Variants in HNF4G observed in about 807,000 individuals in gnomAD.
The protein encoded by HNF4G is hepatocyte nuclear factor 4 gamma, also known as hepatocyte nuclear factor 4-gamma.
Under a neutral mutation model 50.9 loss-of-function variants are expected in HNF4G, and 21 were observed. The observed-to-expected ratio is 0.41, with a 90% CI of 0.29 to 0.59. The LOEUF is 0.59. HNF4G is among the 20% of genes least tolerant of loss of function. HNF4G has a pLI of 0.26. For synonymous variants in HNF4G, 198 were observed against 185.6 expected (o/e 1.07, Z -0.54); for missense variants, 527 against 559.4 (o/e 0.94, Z 0.58).
At chr8:75,490,747 T>C (rs1812608455) in intron 2 of HNF4G, among the ~76,000 whole-genome samples, 1 of 152,218 alleles carries the variant, frequency 6.6e-6, no homozygotes, top group South Asian at 2.1e-4. Context: ...TTTTAAAATG[T>C]TCATAATGTA....
At chr8:75,511,956 GAAGT>G (rs1025027594) in intron 2 of HNF4G, among the ~76,000 whole-genome samples, 2 of 152,116 alleles carry the variant, frequency 1.3e-5, no homozygotes, top group African/African-American at 4.8e-5. Context: ...TTGGTGCAAG[GAAGT>G]ATTTTATTTC....
At chr8:75,448,954 C>G (rs1206719888) in intron 1 of HNF4G, among the ~76,000 whole-genome samples, 1 of 152,054 alleles carries the variant, frequency 6.6e-6, no homozygotes, top group Non-Finnish European at 1.5e-5. Context: ...TTTCTCAAAC[C>G]TCATTAAAAA....
chr8:75,426,291 T>C (rs1810889587), intron 1 of HNF4G, among the ~76,000 whole-genome samples: 1 of 152,216 alleles, frequency 6.6e-6, no homozygotes, highest in South Asian at 2.1e-4. Flanking sequence ...CAGAATCACA[T>C]CTTCCCTGAT....
chr8:75,438,023 TA>T (rs1811182188), intron 1 of HNF4G, among the ~76,000 whole-genome samples: 2 of 152,204 alleles, frequency 1.3e-5, no homozygotes, highest in Non-Finnish European at 2.9e-5. Context: ...ATGTAATTAA[TA>T]GAGTTTTTAA....
intron 1 of HNF4G, among the ~76,000 whole-genome samples, chr8:75,487,075 A>G (rs1812515784): frequency 6.6e-6 from 1 of 152,216 alleles, no homozygotes; most frequent in Non-Finnish European, 1.5e-5. Context: ...AAATTGGCAA[A>G]TATTAAAAAC....
chr8:75,430,900 T>A (rs1811002071), intron 1 of HNF4G, among the ~76,000 whole-genome samples: 1 of 152,150 alleles, frequency 6.6e-6, no homozygotes, highest in Admixed American at 6.5e-5. Flanking sequence ...TTACGAAGAT[T>A]GTTGTTAGAA....
chr8:75,560,530 T>C (rs1316033239), intron 9 of HNF4G, 64 bp downstream of exon 9: 3 of 1,524,898 alleles, frequency 2.0e-6, no homozygotes, highest in South Asian at 1.2e-5. Flanking sequence ...AGTGGAATTG[T>C]GGGAAAGAAT....
rs190799024 is a variant in HNF4G, at chr8:75,501,955, C to G, written c.-24+11747C>G. 7.5e-3 allele frequency among the ~76,000 whole-genome samples: 1,134 copies of G among 151,702 alleles called. 16 individuals carry two copies. The highest frequency in any genetic ancestry group is 0.026 in the African/African-American group (1,070 of 41,346). On this transcript the variant is annotated intron_variant, in intron 2 of 10. Transcript: ENST00000354370. ...GCAACCTCCGCCTCCCGGGTTCAAG[C>G]GATTCTCCTGCCTTAGACTCCCGAG...
intron 2 of HNF4G, among the ~76,000 whole-genome samples, chr8:75,516,784 G>T (rs1805899535): frequency 1.3e-5 from 2 of 152,062 alleles, no homozygotes; most frequent in South Asian, 4.1e-4. Flanking sequence ...TTGAAGAATT[G>T]ACCCCTTTAT....
rs919993647 is a variant in HNF4G, at chr8:75,485,265, A to G, written c.-143-4824A>G. 2.6e-5 allele frequency among the ~76,000 whole-genome samples: 4 copies of G among 152,246 alleles called. No homozygotes were observed. The East Asian group carries it at 7.7e-4, about 29-fold the overall frequency. ...ATTTTCTATAAAAAGGAAGAAAACC[A>G]TTAAAGCATGTTGGAGCTAGGTTTC... On this transcript the variant is annotated intron_variant, in intron 1 of 10. Coordinates refer to the HNF4G transcript ENST00000354370.
intron 1 of HNF4G, among the ~76,000 whole-genome samples, chr8:75,479,620 T>A (rs1227303176): frequency 6.6e-6 from 1 of 151,350 alleles, no homozygotes; most frequent in Admixed American, 6.6e-5. Context: ...TATAAAGAAA[T>A]AGCGATGCTG....
chr8:75,434,684 A>ACG (rs1282085987), intron 1 of HNF4G, among the ~76,000 whole-genome samples: 2 of 151,754 alleles, frequency 1.3e-5, no homozygotes, highest in African/African-American at 4.8e-5. Context: ...CAACACACAC[A>ACG]CACACACACA....
intron 2 of HNF4G, among the ~76,000 whole-genome samples, chr8:75,504,561 G>A (rs7011614): frequency 2.4e-4 from 36 of 151,984 alleles, no homozygotes; most frequent in Non-Finnish European, 4.6e-4. Context: ...AGCGTTGCAC[G>A]AGTGATATTA....
At chr8:75,427,997 C>A (rs1810926581) in intron 1 of HNF4G, among the ~76,000 whole-genome samples, 1 of 152,088 alleles carries the variant, frequency 6.6e-6, no homozygotes, top group African/African-American at 2.4e-5. Context: ...TACTAGAAAT[C>A]AATGAACAAT....
At chr8:75,439,239 CCT>C (rs1426262300) in intron 1 of HNF4G, among the ~76,000 whole-genome samples, 1 of 151,772 alleles carries the variant, frequency 6.6e-6, no homozygotes, top group African/African-American at 2.4e-5. Flanking sequence ...ACCCATGGAG[CCT>C]GGGATTACAG....
At chr8:75,426,774 A>T (rs1585832823) in intron 1 of HNF4G, among the ~76,000 whole-genome samples, 1 of 152,214 alleles carries the variant, frequency 6.6e-6, no homozygotes, top group East Asian at 1.9e-4. Flanking sequence ...ATAGATGCGA[A>T]GAGGTAATGA....
At chr8:75,424,914 T>C (rs998672376) in intron 1 of HNF4G, among the ~76,000 whole-genome samples, 1 of 152,100 alleles carries the variant, frequency 6.6e-6, no homozygotes, top group African/African-American at 2.4e-5. Flanking sequence ...TACCTAGTAA[T>C]GGGATTTCTA....
intron 1 of HNF4G, among the ~76,000 whole-genome samples, chr8:75,488,972 G>A (rs140669793): frequency 1.3e-5 from 2 of 152,300 alleles, no homozygotes; most frequent in East Asian, 3.9e-4. Flanking sequence ...ATTCAGGAAA[G>A]ACCACTGTTA....
At chr8:75,499,483 C>G (rs1418608389) in intron 2 of HNF4G, among the ~76,000 whole-genome samples, 1 of 151,814 alleles carries the variant, frequency 6.6e-6, no homozygotes, top group Non-Finnish European at 1.5e-5. Context: ...TTAACATAGT[C>G]CTAACAAAAT....
Sources: gnomAD v4.1 joint callset for allele counts (sites outside exome capture counted in the v4.1 genomes callset) on GRCh38, gnomAD v4.1.1 for gene constraint, MANE v1.5 for transcripts, NCBI Gene and HGNC (gene_info 2026-07-23, HGNC 2026-07-21) for gene names.